The following FIRRM variants were observed in gnomAD, a reference collection of about 807,000 sequenced individuals.
The protein encoded by FIRRM is FIGNL1-interacting regulator of recombination and mitosis.
chr1:169,796,953 G>A, the FIRRM span, among the ~76,000 whole-genome samples: 1 of 152,154 alleles, frequency 6.6e-6, no homozygotes, highest in Admixed American at 6.5e-5. Context: ...TCCCCCAAAC[G>A]CAGTCTTACA....
the FIRRM span, chr1:169,850,344 A>C: frequency 6.3e-7 from 1 of 1,599,244 alleles, no homozygotes; most frequent in Non-Finnish European, 8.6e-7. Context: ...TTTCTGGAGA[A>C]GGTACTTTCT....
chr1:169,837,116 A>G, the FIRRM span: 1 of 1,573,998 alleles, frequency 6.4e-7, no homozygotes, highest in Non-Finnish European at 8.6e-7. Flanking sequence ...ATCTCTGGTA[A>G]GATAATAATT....
At chr1:169,848,140 A>G in the FIRRM span, among the ~76,000 whole-genome samples, 1 of 152,168 alleles carries the variant, frequency 6.6e-6, no homozygotes, top group African/African-American at 2.4e-5. Flanking sequence ...GTAATTTATT[A>G]AAGTTATTCT....
chr1:169,838,286 C>T, the FIRRM span, among the ~76,000 whole-genome samples: 5 of 151,968 alleles, frequency 3.3e-5, no homozygotes, highest in Non-Finnish European at 5.9e-5. Flanking sequence ...GAAAAAGTAT[C>T]AAATACCTAG....
the FIRRM span, chr1:169,847,597 T>G: frequency 1.1e-6 from 1 of 888,148 alleles, no homozygotes. Flanking sequence ...TTGTTTCCCC[T>G]CCCCACATTT....
the FIRRM span, among the ~76,000 whole-genome samples, chr1:169,808,592 C>A: frequency 6.8e-6 from 1 of 146,838 alleles, no homozygotes; most frequent in South Asian, 2.2e-4. Context: ...CAGGACCTAA[C>A]AGTTATATGT....
chr1:169,807,845 A>G, the FIRRM span: 7 of 1,608,716 alleles, frequency 4.4e-6, no homozygotes, highest in Non-Finnish European at 5.9e-6. Flanking sequence ...ACAAAGATAT[A>G]ATTACTAGCT....
the FIRRM span, chr1:169,823,500 G>A: frequency 6.9e-7 from 1 of 1,454,896 alleles, no homozygotes; most frequent in African/African-American, 1.4e-5. Context: ...TGATTATTAA[G>A]ATACAACAAT....
At chr1:169,853,597 G>C in the FIRRM span, 3 of 1,058,000 alleles carry the variant, frequency 2.8e-6, no homozygotes, top group Non-Finnish European at 2.8e-6. Flanking sequence ...ATGAGCTCCT[G>C]GGATGGGAAA....
chr1:169,853,470 TCA>T, the FIRRM span: 1 of 471,774 alleles, frequency 2.1e-6, no homozygotes, highest in Non-Finnish European at 3.7e-6. Flanking sequence ...GAAACTGGCC[TCA>T]GTCAAATGCA....
chr1:169,835,745 A>G, the FIRRM span, among the ~76,000 whole-genome samples: 20 of 152,190 alleles, frequency 1.3e-4, no homozygotes, highest in African/African-American at 4.1e-4. Flanking sequence ...TTTAGTTTCT[A>G]TTTTGGAAAG....
the FIRRM span, among the ~76,000 whole-genome samples, chr1:169,796,163 A>G: frequency 6.6e-6 from 1 of 152,268 alleles, no homozygotes; most frequent in Non-Finnish European, 1.5e-5. Context: ...AAAATCTCAG[A>G]AGGTGCCAAA....
chr1:169,806,179 A>G, the FIRRM span: 2 of 756,384 alleles, frequency 2.6e-6, no homozygotes, highest in Non-Finnish European at 2.1e-6. Flanking sequence ...TGCATTTAAA[A>G]CATTTTGTGT....
chr1:169,810,257 G>A, the FIRRM span, among the ~76,000 whole-genome samples: 3 of 152,286 alleles, frequency 2.0e-5, no homozygotes, highest in East Asian at 5.8e-4. Context: ...TTGGAAAAAA[G>A]TCAAAATAAA....
chr1:169,833,841 CT>C, the FIRRM span, among the ~76,000 whole-genome samples: 1 of 126,204 alleles, frequency 7.9e-6, no homozygotes, highest in Non-Finnish European at 1.6e-5. Context: ...AAGAAAGTCA[CT>C]TTCCTTTTTT....
the FIRRM span, chr1:169,853,697 T>TAACTC: frequency 6.2e-7 from 1 of 1,612,278 alleles, no homozygotes; most frequent in South Asian, 1.1e-5. Flanking sequence ...TCCTAAAGTT[T>TAACTC]AACTCACATC....
chr1:169,809,806 C>T, the FIRRM span, among the ~76,000 whole-genome samples: 36 of 152,268 alleles, frequency 2.4e-4, no homozygotes, highest in South Asian at 7.5e-3. Flanking sequence ...TGATCAGCGA[C>T]GCCCTCTGCT....
At chr1:169,801,747 A>C in the FIRRM span, among the ~76,000 whole-genome samples, 3 of 152,044 alleles carry the variant, frequency 2.0e-5, no homozygotes, top group Admixed American at 1.3e-4. Flanking sequence ...TTTTTGTTTT[A>C]AATGGAGGGA....
the FIRRM span, among the ~76,000 whole-genome samples, chr1:169,785,619 C>T: frequency 2.0e-5 from 3 of 152,128 alleles, no homozygotes; most frequent in African/African-American, 2.4e-5. Context: ...TCCTTCTCTG[C>T]CATGCTGTTC....
Sources: gnomAD v4.1 joint callset for allele counts (sites outside exome capture counted in the v4.1 genomes callset) on GRCh38, gnomAD v4.1.1 for gene constraint, MANE v1.5 for transcripts, NCBI Gene and HGNC (gene_info 2026-07-23, HGNC 2026-07-21) for gene names.